Variants in YPEL4 observed in about 807,000 individuals in gnomAD.
YPEL4 encodes protein yippee-like 4.
Under a neutral mutation model 16.3 loss-of-function variants are expected in YPEL4, and 5 were observed. The ratio of observed to expected loss-of-function variants is 0.31; its 90% confidence interval spans 0.16 to 0.64. The LOEUF is 0.64. Ranked by LOEUF, YPEL4 falls within the 30% of genes least tolerant of loss-of-function variation. The pLI, the probability that YPEL4 is intolerant of heterozygous loss-of-function variation, is 0.79. For missense variants in YPEL4, 127 were observed against 170.0 expected (o/e 0.75, Z 1.41); for synonymous variants, 61 against 60.7 (o/e 1.00, Z -0.02).
Position 57,646,377 on chromosome 11 carries a change from G to T in YPEL4, c.214C>A (p.Gln72Lys). ...TGGAGCCCCGTGAGCAAGAGGCGCT[G>T]TTCAGCTGGCCCGCAACCCACGTTG... is the stretch of plus-strand genomic sequence containing the variant. The part of the protein sequence containing the change: ...VVNVGCGPAE[Q>K]RLLLTGLHSV... Residue 72 changes from glutamine to lysine, a missense_variant, in exon 4 of 5, where the codon CAG becomes AAG. By Grantham distance (53) the Gln-to-Lys change is moderately conservative (BLOSUM62 1). Transcript: ENST00000300022. The T allele has an allele frequency of 6.2e-7, 1 of 1,614,136 alleles. No individual in the cohort carries two copies. The highest frequency in any genetic ancestry group is 8.5e-7 in the Non-Finnish European group (1 of 1,180,022).
chr11:57,646,555 C>A, intron 3 of YPEL4, 150 bp from the exon 4 acceptor site: 4 of 1,195,596 alleles, frequency 3.3e-6, no homozygotes, highest in Non-Finnish European at 3.6e-6. Context: ...CCTGGGCCTT[C>A]TTTTTCCACC....
chr11:57,646,443 G>A (rs1945731291), intron 3 of YPEL4, 38 bp from the exon 4 acceptor site: 10 of 1,610,626 alleles, frequency 6.2e-6, no homozygotes, highest in Non-Finnish European at 8.5e-6. Flanking sequence ...CACCCAGTGG[G>A]GTTGCACTGT....
At chr11:57,649,298 G>C (rs914549858) in intron 1 of YPEL4, 5 of 143,004 alleles carry the variant, frequency 3.5e-5, no homozygotes, top group African/African-American at 1.3e-4. Flanking sequence ...AAAGAAAAGG[G>C]GGGGGACACC....
intron 2 of YPEL4, 63 bp downstream of exon 2, chr11:57,646,904 G>A (rs770803033): frequency 1.1e-5 from 18 of 1,583,576 alleles, no homozygotes; most frequent in Non-Finnish European, 1.5e-5. Flanking sequence ...CTCACCCCTG[G>A]GTGATGTTCA....
chr11:57,648,723 C>T (rs1175698388), intron 1 of YPEL4: 1 of 152,424 alleles, frequency 6.6e-6, no homozygotes. Context: ...CAGGTCCTCT[C>T]CTCCGGGCTG....
Position 57,645,766 on chromosome 11 carries a change from C to G in YPEL4, c.*215G>C. The G allele has an allele frequency of 3.5e-6, 2 of 570,126 alleles. No individual in the cohort carries two copies. Among genetic ancestry groups the G allele is most frequent in the Non-Finnish European group, 6.2e-6 (2 of 320,460 alleles). The allele number at this position is 570,126 out of a possible 1,614,324, so 35.3% of individuals were successfully genotyped here. Reference sequence around the variant, plus strand: ...TTCCCCCAGTTCTGTCTCTCCCTGACTGCTGCCCACTCCTGAGCCTTAACA... The same window carrying G: ...TTCCCCCAGTTCTGTCTCTCCCTGAGTGCTGCCCACTCCTGAGCCTTAACA... On this transcript the variant is annotated 3_prime_UTR_variant, in exon 5 of 5. Coordinates refer to ENST00000300022, the MANE Select transcript of YPEL4 (RefSeq NM_145008.3).
rs189143094 is a variant in YPEL4 at position 57,647,435 on chromosome 11, C to G, written c.-184-144G>C. On this transcript the variant is annotated intron_variant, in intron 1 of 4. Transcript: ENST00000300022. The surrounding 1 kb of genome is among the most constrained non-coding windows in gnomAD (Gnocchi z 4.2). ...CCCCCACAGCATCCAGTTGCATTGT[C>G]GCCCTGTCCCCTGGATCCCCATTCT... 4.7e-6 allele frequency: 1 copy of G among 213,478 alleles called. No homozygotes were observed. The highest frequency in any genetic ancestry group is 5.9e-5 in the Admixed American group (1 of 17,022). 13.2% of individuals were successfully genotyped at this position (213,478 alleles called of 1,614,324 possible).
intron 2 of YPEL4, 33 bp downstream of exon 2, chr11:57,646,934 A>C: frequency 6.4e-7 from 1 of 1,571,622 alleles, no homozygotes; most frequent in Non-Finnish European, 8.7e-7. Context: ...GGTGCGCGAG[A>C]GGAGGGGAAT....
chr11:57,648,980 C>T (rs1166061152), intron 1 of YPEL4: 1 of 152,420 alleles, frequency 6.6e-6, no homozygotes, highest in Admixed American at 6.5e-5. Flanking sequence ...ACGCCTCCCT[C>T]CCTCTCCCCT....
intron 3 of YPEL4, 95 bp from the exon 4 acceptor site, chr11:57,646,500 C>T: frequency 2.8e-6 from 4 of 1,424,608 alleles, no homozygotes; most frequent in Non-Finnish European, 3.9e-6. Flanking sequence ...CTGGAGAGAA[C>T]TGGACAGCCC....
rs1054321938 is a variant in YPEL4 at position 57,647,605 on chromosome 11, A to G, written c.-184-314T>C. ...CAGACGCTGCCATGGGAGCAACGTCATCTGCAAGTGCCCTCTCCTTGGTTT... is the reference window on the plus strand; with the variant it reads ...CAGACGCTGCCATGGGAGCAACGTCGTCTGCAAGTGCCCTCTCCTTGGTTT... On this transcript the variant is annotated intron_variant, in intron 1 of 4. Coordinates refer to ENST00000300022, the MANE Select transcript of YPEL4 (RefSeq NM_145008.3). This position sits in a 1 kb window ranked among gnomAD's most constrained non-coding sequence, Gnocchi z 4.2. 1 of 153,044 alleles carries G rather than the reference A, an allele frequency of 6.5e-6. No individual in the cohort carries two copies. Among genetic ancestry groups the G allele is most frequent in the African/African-American group, 2.4e-5 (1 of 41,472 alleles). The allele number at this position is 153,044 out of a possible 1,614,324, so 9.5% of individuals were successfully genotyped here. A position where few individuals can be genotyped will look rare whatever the true frequency, so the allele number is the denominator to read the frequency against.
rs1216769671 is a variant in YPEL4 at position 57,647,689 on chromosome 11, T to C, written c.-184-398A>G. On this transcript the variant is annotated intron_variant, in intron 1 of 4. Coordinates refer to ENST00000300022, the MANE Select transcript of YPEL4 (RefSeq NM_145008.3). The surrounding 1 kb of genome is among the most constrained non-coding windows in gnomAD (Gnocchi z 4.2). The stretch of plus-strand genomic sequence containing the variant: ...ACTGTGTCTCAGGGGATCAGAGCCT[T>C]TTAAGAGTTGGGGATGCCTGAAGGT... 1 of 152,228 alleles carries C rather than the reference T, an allele frequency of 6.6e-6. No homozygotes were observed. 9.4% of individuals were successfully genotyped at this position (152,228 alleles called of 1,614,324 possible).
In YPEL4 at chr11:57,647,259, C is replaced by G; in HGVS notation, c.-152G>C. 9.4e-7 allele frequency: 1 copy of G among 1,068,952 alleles called. No homozygotes were observed. The highest frequency in any genetic ancestry group is 2.0e-5 in the South Asian group (1 of 50,458). 66.2% of individuals were successfully genotyped at this position (1,068,952 alleles called of 1,614,324 possible). ...TGGGGGGCTGCCCGGCCAGGGCCCC[C>G]CCAGACGAGAACCAGATAGAAATAG... On this transcript the variant is annotated 5_prime_UTR_variant, in exon 2 of 5. Coordinates refer to ENST00000300022, the MANE Select transcript of YPEL4 (RefSeq NM_145008.3). This position sits in a 1 kb window ranked among gnomAD's most constrained non-coding sequence, Gnocchi z 4.2.
Position 57,646,762 on chromosome 11 carries a change from C to T in YPEL4, c.174G>A (p.Leu58=). 1 of 1,613,988 alleles carries T rather than the reference C, an allele frequency of 6.2e-7. No homozygotes were observed. Among genetic ancestry groups the T allele is most frequent in the Non-Finnish European group, 8.5e-7 (1 of 1,179,980 alleles). ...AGAGGTAGACTCACACGGAGTTAAA[C>T]AGGTAGGCTCGGCCATGGCTCCCTT... The part of the protein sequence containing the change: ...SFQGSHGRAY[L]FNSVVNVGCG... The change falls in exon 3 of 5, where the codon CTG becomes CTA. Residue 58 remains leucine (L), a synonymous_variant. Transcript: ENST00000300022.
Position 57,645,964 on chromosome 11 carries a change from C to T in YPEL4, c.*17G>A. ...GGGAGGGGCATGCGGAGGAAGGGCA[C>T]ACCCTGCCTGAGCCCCTCAGTCCCA... On this transcript the variant is annotated 3_prime_UTR_variant, in exon 5 of 5. Transcript: ENST00000300022. 6.2e-7 allele frequency: 1 copy of T among 1,612,034 alleles called. No homozygotes were observed. The highest frequency in any genetic ancestry group is 8.5e-7 in the Non-Finnish European group (1 of 1,178,758).
At position 57,645,343 on chromosome 11, in the gene YPEL4, AG is replaced by A. The variant is rs1945718353; in HGVS notation, c.*637del. ...CCCACCCCACCCAATGGCAAAAGTT[AG>A]ATACTCGAAAGTGCCTCTTCAGTGC... is the stretch of plus-strand genomic sequence containing the variant. On this transcript the variant is annotated 3_prime_UTR_variant, in exon 5 of 5. Transcript: ENST00000300022. The A allele has an allele frequency of 6.5e-6, 1 of 152,824 alleles. No homozygotes were observed. The highest frequency in any genetic ancestry group is 2.4e-5 in the African/African-American group (1 of 41,448). 9.5% of individuals were successfully genotyped at this position (152,824 alleles called of 1,614,324 possible).
chr11:57,646,486 C>G, intron 3 of YPEL4, 81 bp from the exon 4 acceptor site: 1 of 1,520,404 alleles, frequency 6.6e-7, no homozygotes, highest in Non-Finnish European at 9.1e-7. Context: ...AAGGGAACTT[C>G]CATCTGGAGA....
rs1456396534 is a variant in YPEL4, at chr11:57,645,278, T to G, written c.*703A>C. The stretch of plus-strand genomic sequence containing the variant: ...GAAAGCCCATAAAGACTGCTTACTC[T>G]GGAAGCAGCCGACTAGGGGCTGTTC... On this transcript the variant is annotated 3_prime_UTR_variant, in exon 5 of 5. Coordinates refer to ENST00000300022, the MANE Select transcript of YPEL4 (RefSeq NM_145008.3). 1 of 152,652 alleles carries G rather than the reference T, an allele frequency of 6.6e-6. No homozygotes were observed. Among genetic ancestry groups the G allele is most frequent in the African/African-American group, 2.4e-5 (1 of 41,422 alleles). 9.5% of individuals were successfully genotyped at this position (152,652 alleles called of 1,614,324 possible). A position where few individuals can be genotyped will look rare whatever the true frequency, so the allele number is the denominator to read the frequency against.
chr11:57,647,037 C>A lies in YPEL4; in HGVS notation c.71G>T (p.Arg24Leu). The A allele has an allele frequency of 6.3e-7, 1 of 1,598,112 alleles. No homozygotes were observed. Among genetic ancestry groups the A allele is most frequent in the Non-Finnish European group, 8.5e-7 (1 of 1,173,616 alleles). ...GACACAGCTGTAAGTGCGGTGACAG[C>A]GGGGCAGATAGCTGCGGAAAGTCTT... ...PTKTFRSYLP[R>L]CHRTYSCVHC... Residue 24 changes from arginine to leucine, a missense_variant, in exon 2 of 5, where the codon CGC becomes CTC. By Grantham distance (102) the Arg-to-Leu change is moderately radical. Transcript: ENST00000300022. The surrounding 1 kb of genome is among the most constrained non-coding windows in gnomAD (Gnocchi z 4.2).
Sources: allele counts gnomAD v4.1 joint callset, GRCh38; gene constraint gnomAD v4.1.1; non-coding constraint Gnocchi (gnomAD v3.1); transcripts MANE v1.5; gene names NCBI Gene and HGNC (gene_info 2026-07-23, HGNC 2026-07-21).